Variants in PLA2R1 observed in about 807,000 individuals in gnomAD.
The protein encoded by PLA2R1 is secretory phospholipase A2 receptor.
Under a neutral mutation model 195.9 loss-of-function variants are expected in PLA2R1, and 158 were observed. The observed-to-expected ratio is 0.81, with a 90% CI of 0.71 to 0.92. The LOEUF is 0.92. PLA2R1 is among the 40% of genes least tolerant of loss of function. The pLI is 0.00. For synonymous variants in PLA2R1, 586 were observed against 598.2 expected, an observed-to-expected ratio of 0.98 and a Z score of 0.30; for missense variants, 1,626 against 1,764.6, an observed-to-expected ratio of 0.92 and a Z score of 1.41.
At chr2:160,056,633 C>T (rs539036534) in intron 1 of PLA2R1, among the ~76,000 whole-genome samples, 1 of 152,126 alleles carries the variant, frequency 6.6e-6, no homozygotes, top group East Asian at 1.9e-4. Context: ...GTTTCTTGAA[C>T]CCAAACTTTC....
Position 159,976,710 on chromosome 2 carries a change from G to A in PLA2R1, c.2412C>T (p.Pro804=). 1 of 1,609,106 alleles carries A rather than the reference G, an allele frequency of 6.2e-7. No homozygotes were observed. The highest frequency in any genetic ancestry group is 8.5e-7 in the Non-Finnish European group (1 of 1,175,988). ...CGTACTGGTACCAGAACGGAATCTT[G>A]GGTTTCACATCTGCAAAGTGAAAGC... The part of the protein sequence containing the change: ...WICKIPRDVK[P]KIPFWYQYDV... The change falls in exon 16 of 30, where the codon CCC becomes CCT. Residue 804 remains proline, a synonymous_variant. Coordinates refer to ENST00000283243, the MANE Select transcript of PLA2R1 (RefSeq NM_007366.5).
At chr2:159,980,193 A>G (rs1200288167) in intron 13 of PLA2R1, among the ~76,000 whole-genome samples, 1 of 152,222 alleles carries the variant, frequency 6.6e-6, no homozygotes, top group African/African-American at 2.4e-5. Context: ...ACATGAACTG[A>G]GAGAAGAATA....
chr2:159,971,972 T>C (rs1689219743), intron 17 of PLA2R1, among the ~76,000 whole-genome samples: 2 of 152,128 alleles, frequency 1.3e-5, no homozygotes, highest in Admixed American at 1.3e-4. Flanking sequence ...AGATTCCCAT[T>C]GTCAGACGTT....
intron 9 of PLA2R1, among the ~76,000 whole-genome samples, chr2:160,014,234 CTTTTTTTTT>C (rs5835787): frequency 7.7e-6 from 1 of 129,428 alleles, no homozygotes; most frequent in Non-Finnish European, 1.7e-5. Flanking sequence ...CTTTTTCTTT[CTTTTTTTTT>C]TTTTTTGTAA....
chr2:159,991,073 G>A (rs1236646149), intron 11 of PLA2R1, among the ~76,000 whole-genome samples: 2 of 152,202 alleles, frequency 1.3e-5, no homozygotes, highest in East Asian at 3.8e-4. Flanking sequence ...GGGTCTGTGA[G>A]ACAGTATCAA....
At chr2:159,946,961 T>C in intron 26 of PLA2R1, 44 bp from the exon 27 acceptor site, 8 of 1,180,060 alleles carry the variant, frequency 6.8e-6, no homozygotes, top group East Asian at 2.5e-5. Context: ...TGTTTACACA[T>C]AAATATACTT....
intron 1 of PLA2R1, among the ~76,000 whole-genome samples, chr2:160,054,917 T>C (rs1410461577): frequency 6.6e-6 from 1 of 152,158 alleles, no homozygotes; most frequent in East Asian, 1.9e-4. Flanking sequence ...CTTTGATAGA[T>C]TACATGAGGA....
At chr2:160,031,137 C>T (rs192038105) in intron 4 of PLA2R1, among the ~76,000 whole-genome samples, 2 of 152,272 alleles carry the variant, frequency 1.3e-5, no homozygotes, top group Admixed American at 1.3e-4. Flanking sequence ...TCTTACAATC[C>T]TTCTGGAAGA....
chr2:159,966,058 T>C (rs1170138561), intron 20 of PLA2R1, among the ~76,000 whole-genome samples: 2 of 152,134 alleles, frequency 1.3e-5, no homozygotes, highest in Admixed American at 6.6e-5. Context: ...ATATGTAAAA[T>C]GAGGATAGTA....
intron 20 of PLA2R1, among the ~76,000 whole-genome samples, chr2:159,964,858 T>G (rs1030409643): frequency 6.6e-6 from 1 of 151,910 alleles, no homozygotes; most frequent in African/African-American, 2.4e-5. Flanking sequence ...GAAACCCCGT[T>G]TCTACTAAAA....
rs1686955428 is a variant in PLA2R1 at position 159,938,915 on chromosome 2, C to A, written c.*2863G>T. The A allele has an allele frequency of 6.6e-6, 1 of 152,038 alleles. No homozygotes were observed. Among genetic ancestry groups the A allele is most frequent in the South Asian group, 2.1e-4 (1 of 4,818 alleles). 9.4% of individuals were successfully genotyped at this position (152,038 alleles called of 1,614,324 possible). On this transcript the variant is annotated 3_prime_UTR_variant, in exon 30 of 30. Coordinates refer to ENST00000283243, the MANE Select transcript of PLA2R1 (RefSeq NM_007366.5). ...AGAAGACTGTTGTAACTGTAAGAGCCCAATATATTGTTAAATGGAAAAACC... is the reference window on the plus strand; with the variant it reads ...AGAAGACTGTTGTAACTGTAAGAGCACAATATATTGTTAAATGGAAAAACC...
At chr2:159,957,486 C>G (rs572429968) in intron 20 of PLA2R1, among the ~76,000 whole-genome samples, 2 of 152,120 alleles carry the variant, frequency 1.3e-5, no homozygotes. Context: ...TCCTGAGTAA[C>G]TGGGACTACA....
chr2:160,020,752 T>A (rs971380321), intron 7 of PLA2R1, among the ~76,000 whole-genome samples: 1 of 152,320 alleles, frequency 6.6e-6, no homozygotes, highest in East Asian at 1.9e-4. Context: ...GACCTTGAAC[T>A]TCCCAGCCTC....
rs144129033 is a variant in PLA2R1, at chr2:159,994,782, C to T, written c.1835-7424G>A. 4.0e-4 allele frequency among the ~76,000 whole-genome samples: 61 copies of T among 151,742 alleles called. No individual in the cohort carries two copies. In the East Asian group the frequency reaches 0.011, roughly 28 times the overall value. On this transcript the variant is annotated intron_variant, in intron 11 of 29. Coordinates refer to ENST00000283243, the MANE Select transcript of PLA2R1 (RefSeq NM_007366.5). ...GTAATACTATTTGATAAACTTAATA[C>T]TAAGTTGAAAAAAAAATGGCGGAAA...
chr2:160,042,812 T>TGTGC (rs1297108750), intron 2 of PLA2R1, among the ~76,000 whole-genome samples: 1 of 27,866 alleles, frequency 3.6e-5, no homozygotes, highest in Non-Finnish European at 6.8e-5. Flanking sequence ...TGTGTGTGTG[T>TGTGC]GTGTGTGTGT....
rs955597955 is a variant in PLA2R1, at chr2:159,937,944, A to G, written c.*3834T>C. ...CCATGGAGGATTTTCCCATAGTAAG[A>G]TCTGAAATGAAAGCCATTTCTTTTT... On this transcript the variant is annotated 3_prime_UTR_variant, in exon 30 of 30. Coordinates refer to ENST00000283243, the MANE Select transcript of PLA2R1 (RefSeq NM_007366.5). 3.9e-5 allele frequency: 6 copies of G among 152,212 alleles called. No homozygotes were observed. Among genetic ancestry groups the G allele is most frequent in the Non-Finnish European group, 7.3e-5 (5 of 68,036 alleles). The allele number at this position is 152,212 out of a possible 1,614,324, so 9.4% of individuals were successfully genotyped here.
At chr2:159,971,712 A>C (rs1357865945) in intron 17 of PLA2R1, among the ~76,000 whole-genome samples, 9 of 152,002 alleles carry the variant, frequency 5.9e-5, no homozygotes, top group African/African-American at 2.2e-4. Flanking sequence ...TTAAATTTGT[A>C]CTCTCGTTTC....
At chr2:159,930,280 C>T (rs558176521), downstream of PLA2R1, among the ~76,000 whole-genome samples, 21 of 152,154 alleles carry the variant, frequency 1.4e-4, no homozygotes, top group South Asian at 3.7e-3. Flanking sequence ...TGGTGGCACG[C>T]GCCTGTAGTC....
At chr2:160,036,309 A>G (rs1355595771) in intron 3 of PLA2R1, among the ~76,000 whole-genome samples, 1 of 152,216 alleles carries the variant, frequency 6.6e-6, no homozygotes, top group Non-Finnish European at 1.5e-5. Context: ...TGCATGTCAG[A>G]AACATGGAGT....
Sources: allele counts gnomAD v4.1 joint callset (sites outside exome capture counted in the v4.1 genomes callset), GRCh38; gene constraint gnomAD v4.1.1; transcripts MANE v1.5; gene names NCBI Gene and HGNC (gene_info 2026-07-23, HGNC 2026-07-21).